Variants in THEMIS observed in about 807,000 individuals in gnomAD.
The protein encoded by THEMIS is thymocyte selection associated.
THEMIS carries 37 observed loss-of-function variants against 52.6 expected under a neutral mutation model. The observed-to-expected ratio is 0.70, with a 90% CI of 0.54 to 0.93. The LOEUF (loss-of-function observed/expected upper bound fraction) is 0.93, where lower values mean the gene tolerates loss of function less well. THEMIS is among the 40% of genes least tolerant of loss of function. THEMIS has a pLI of 0.00. For synonymous variants in THEMIS, 292 were observed against 272.7 expected, an observed-to-expected ratio of 1.07 and a Z score of -0.70; for missense variants, 808 against 763.1, an observed-to-expected ratio of 1.06 and a Z score of -0.69.
At chr6:127,868,510 T>G (rs1780054266) in intron 1 of THEMIS, 1 of 983,536 alleles carries the variant, frequency 1.0e-6, no homozygotes, top group African/African-American at 1.7e-5. Context: ...TGCCACAAAT[T>G]GGTTACAGAT....
intron 1 of THEMIS, among the ~76,000 whole-genome samples, chr6:127,912,532 G>T (rs1051467737): frequency 6.6e-6 from 1 of 152,140 alleles, no homozygotes; most frequent in Non-Finnish European, 1.5e-5. Context: ...CACATATGTA[G>T]GCTGAGATAA....
intron 2 of THEMIS, among the ~76,000 whole-genome samples, chr6:127,832,765 G>C (rs1778738078): frequency 7.6e-6 from 1 of 132,098 alleles, no homozygotes; most frequent in Admixed American, 7.8e-5. Context: ...TTTCCACCTA[G>C]GATTGTCAGA....
chr6:127,863,750 A>G (rs909432784), intron 1 of THEMIS, among the ~76,000 whole-genome samples: 4 of 152,182 alleles, frequency 2.6e-5, no homozygotes, highest in Non-Finnish European at 5.9e-5. Flanking sequence ...AGGAAAGACT[A>G]AATAGTAGCT....
In THEMIS at chr6:127,813,936, A is replaced by G. The variant is rs1342150573; in HGVS notation, c.710-5T>C. 6.6e-7 allele frequency: 1 copy of G among 1,525,148 alleles called. No individual in the cohort carries two copies. Among genetic ancestry groups the G allele is most frequent in the Non-Finnish European group, 8.8e-7 (1 of 1,139,882 alleles). The allele number at this position is 1,525,148 out of a possible 1,614,324, so 94.5% of individuals were successfully genotyped here. ...TGCGGATTATATCTTTTCGAACTAA[A>G]AAGAAAAAATAAATCACTATGATAT... On this transcript the variant is annotated splice_region_variant and splice_polypyrimidine_tract_variant and intron_variant, in intron 3 of 5. Coordinates refer to ENST00000368248, the MANE Select transcript of THEMIS (RefSeq NM_001010923.3).
At chr6:127,896,913 T>G (rs1317895017) in intron 1 of THEMIS, among the ~76,000 whole-genome samples, 1 of 151,486 alleles carries the variant, frequency 6.6e-6, no homozygotes, top group East Asian at 1.9e-4. Context: ...AAGTATATAT[T>G]AGATATTGCA....
At chr6:127,702,236 A>C in the THEMIS span, among the ~76,000 whole-genome samples, 9,945 of 152,204 alleles carry the variant, frequency 0.065, 334 homozygotes, top group Non-Finnish European at 0.08. Flanking sequence ...GGCTTACAAA[A>C]GTCAACTGTT....
chr6:127,714,241 A>G (rs561846509), intron 5 of THEMIS, among the ~76,000 whole-genome samples: 1 of 152,030 alleles, frequency 6.6e-6, no homozygotes, highest in East Asian at 1.9e-4. Flanking sequence ...TTTTTCACTA[A>G]AGGGCTAGAC....
chr6:127,713,404 T>C (rs994947205), intron 5 of THEMIS, among the ~76,000 whole-genome samples: 2 of 151,902 alleles, frequency 1.3e-5, no homozygotes, highest in Non-Finnish European at 2.9e-5. Context: ...CTGGGGTTCA[T>C]TTTTGTATTC....
chr6:127,849,364 C>A (rs1167939344), intron 2 of THEMIS, among the ~76,000 whole-genome samples: 1 of 151,926 alleles, frequency 6.6e-6, no homozygotes, highest in Non-Finnish European at 1.5e-5. Context: ...TAGCGTGATG[C>A]CTCCAGCTTT....
chr6:127,704,955 G>C (rs946609963), downstream of THEMIS, among the ~76,000 whole-genome samples: 1 of 152,220 alleles, frequency 6.6e-6, no homozygotes, highest in Admixed American at 6.5e-5. Context: ...GCCTCACTTA[G>C]GAGTGGGTCT....
At chr6:127,886,872 A>G (rs1397605645) in intron 1 of THEMIS, among the ~76,000 whole-genome samples, 1 of 152,052 alleles carries the variant, frequency 6.6e-6, no homozygotes, top group African/African-American at 2.4e-5. Context: ...CATGAGTATA[A>G]TAGCTTATGT....
chr6:127,906,433 A>G (rs1781270781), intron 1 of THEMIS, among the ~76,000 whole-genome samples: 1 of 151,982 alleles, frequency 6.6e-6, no homozygotes, highest in African/African-American at 2.4e-5. Flanking sequence ...TTATTTCATA[A>G]AATTCATACT....
In THEMIS at chr6:127,787,880, T is replaced by TAGATAGATAG. The variant is rs200767496; in HGVS notation, c.1758+25002_1758+25003insCTATCTATCT. Among the ~76,000 whole-genome samples the TAGATAGATAG allele has an allele frequency of 2.7e-3, 321 of 119,988 alleles. 1 individual carries two copies. Among genetic ancestry groups the TAGATAGATAG allele is most frequent in the East Asian group, 7.8e-3 (34 of 4,346 alleles). The allele number at this position is 119,988 out of a possible 152,430, so 78.7% of individuals were successfully genotyped here. A position where few individuals can be genotyped will look rare whatever the true frequency, so the allele number is the denominator to read the frequency against. On this transcript the variant is annotated intron_variant, in intron 4 of 5. Transcript: ENST00000368248. ...ATAGATAGATAGATAGATAGATAGA[T>TAGATAGATAG]ATAGATAGATAGATAGATAGATAGA...
intron 5 of THEMIS, among the ~76,000 whole-genome samples, chr6:127,717,018 A>G (rs1389585622): frequency 6.6e-6 from 1 of 151,974 alleles, no homozygotes; most frequent in African/African-American, 2.4e-5. Flanking sequence ...AGAAACTCAG[A>G]GACTGAAAGA....
intron 2 of THEMIS, among the ~76,000 whole-genome samples, chr6:127,846,658 C>T (rs1012632610): frequency 6.6e-6 from 1 of 151,598 alleles, no homozygotes; most frequent in Non-Finnish European, 1.5e-5. Context: ...AAATTGCCAA[C>T]CAAAAAAAGC....
At chr6:127,804,756 G>T (rs12205623) in intron 4 of THEMIS, among the ~76,000 whole-genome samples, 2 of 152,092 alleles carry the variant, frequency 1.3e-5, no homozygotes, top group African/African-American at 2.4e-5. Flanking sequence ...GAGAAAACAC[G>T]TCTTACATGA....
intron 3 of THEMIS, among the ~76,000 whole-genome samples, chr6:127,816,721 T>C (rs532916092): frequency 6.6e-6 from 1 of 152,346 alleles, no homozygotes; most frequent in Non-Finnish European, 1.5e-5. Flanking sequence ...AAATAATTTA[T>C]GTCTGTCTTC....
chr6:127,858,609 T>C (rs1779694940), intron 1 of THEMIS, among the ~76,000 whole-genome samples: 1 of 152,154 alleles, frequency 6.6e-6, no homozygotes, highest in Non-Finnish European at 1.5e-5. Flanking sequence ...CAACTTTCAT[T>C]ATCTCAAAAC....
rs553149153 is a variant in THEMIS, at chr6:127,863,649, G to A, written c.92-8461C>T. ...ATAGGTTGCCCATTATAAAACTACC[G>A]GAACCACAACTTACATGGATGTGAA... On this transcript the variant is annotated intron_variant, in intron 1 of 5. Coordinates refer to ENST00000368248, the MANE Select transcript of THEMIS (RefSeq NM_001010923.3). Among the ~76,000 whole-genome samples the A allele has an allele frequency of 1.1e-4, 17 of 152,228 alleles. No homozygotes were observed. In the South Asian group the frequency reaches 1.7e-3, roughly 15 times the overall value.
Sources: gnomAD v4.1 joint callset for allele counts (sites outside exome capture counted in the v4.1 genomes callset) on GRCh38, gnomAD v4.1.1 for gene constraint, MANE v1.5 for transcripts, NCBI Gene and HGNC (gene_info 2026-07-23, HGNC 2026-07-21) for gene names.